Variants in TBC1D5 observed in about 807,000 individuals in gnomAD.
TBC1D5 encodes TBC1 domain family member 5.
In TBC1D5, 75 loss-of-function variants were observed where a neutral mutation model predicts 100.3. The ratio of observed to expected loss-of-function variants is 0.75; its 90% CI spans 0.62 to 0.91. The LOEUF is 0.91. TBC1D5 is among the 40% of genes least tolerant of loss of function. The probability of loss-of-function intolerance (pLI) is 0.00; values close to 1 mark genes in which losing one functional copy is unlikely to be tolerated. For synonymous variants in TBC1D5, 323 were observed against 325.6 expected (o/e 0.99, Z 0.09); for missense variants, 910 against 942.4 (o/e 0.97, Z 0.45).
At chr3:17,647,407 G>T (rs1021646675) in intron 1 of TBC1D5, among the ~76,000 whole-genome samples, 13 of 152,144 alleles carry the variant, frequency 8.5e-5, no homozygotes, top group African/African-American at 3.1e-4. Context: ...CAAGCTACAG[G>T]GAATAAGGGA....
intron 17 of TBC1D5, among the ~76,000 whole-genome samples, chr3:17,223,335 GC>G (rs1018806990): frequency 1.3e-5 from 2 of 151,786 alleles, no homozygotes; most frequent in African/African-American, 4.8e-5. Context: ...TATTCCCCCC[GC>G]AAAAAAGTCA....
At chr3:17,511,987 A>G (rs1432543987) in intron 2 of TBC1D5, among the ~76,000 whole-genome samples, 1 of 152,062 alleles carries the variant, frequency 6.6e-6, no homozygotes, top group Non-Finnish European at 1.5e-5. Context: ...GTAACTGATT[A>G]AGAAGTTGCT....
chr3:17,738,182 A>G (rs891213253), intron 1 of TBC1D5, among the ~76,000 whole-genome samples: 1 of 152,198 alleles, frequency 6.6e-6, no homozygotes, highest in South Asian at 2.1e-4. Flanking sequence ...GAGCATTACT[A>G]TACCAATTTT....
At chr3:17,331,382 T>C (rs182886380) in intron 13 of TBC1D5, among the ~76,000 whole-genome samples, 61 of 152,322 alleles carry the variant, frequency 4.0e-4, no homozygotes, top group Non-Finnish European at 6.5e-4. Flanking sequence ...ATACACAATA[T>C]ATGACAACTC....
intron 1 of TBC1D5, among the ~76,000 whole-genome samples, chr3:17,662,168 C>T (rs971470587): frequency 6.6e-6 from 1 of 152,232 alleles, no homozygotes; most frequent in East Asian, 1.9e-4. Flanking sequence ...ACTGGGATTA[C>T]AGGCATGAAC....
chr3:17,387,831 T>C (rs977711334), intron 8 of TBC1D5, among the ~76,000 whole-genome samples: 1 of 151,312 alleles, frequency 6.6e-6, no homozygotes, highest in Non-Finnish European at 1.5e-5. Context: ...AACAATGATG[T>C]TACAGTTTCA....
chr3:17,160,681 G>C (rs2065948092), exon 22 of TBC1D5: 1 of 395,342 alleles, frequency 2.5e-6, no homozygotes, highest in Admixed American at 3.8e-5. Flanking sequence ...AACTGTGAGT[G>C]TGATACTGGG....
chr3:17,727,881 C>T (rs2076248921), intron 1 of TBC1D5, among the ~76,000 whole-genome samples: 2 of 152,136 alleles, frequency 1.3e-5, no homozygotes, highest in South Asian at 4.1e-4. Flanking sequence ...ATGACTATGG[C>T]TACAAACATC....
intron 2 of TBC1D5, among the ~76,000 whole-genome samples, chr3:17,570,360 C>T (rs762846301): frequency 3.3e-5 from 5 of 151,904 alleles, no homozygotes; most frequent in African/African-American, 4.8e-5. Context: ...GGCATCATTC[C>T]CACTTCACAG....
chr3:17,420,829 T>C (rs1253269104), intron 4 of TBC1D5, among the ~76,000 whole-genome samples: 2 of 152,208 alleles, frequency 1.3e-5, no homozygotes, highest in Non-Finnish European at 2.9e-5. Flanking sequence ...GAGTAGCTTA[T>C]CCTCACATTT....
chr3:17,415,989 T>A (rs1042075314), intron 4 of TBC1D5, among the ~76,000 whole-genome samples: 18 of 152,280 alleles, frequency 1.2e-4, no homozygotes, highest in African/African-American at 4.1e-4. Flanking sequence ...GCTGGTAGAA[T>A]AGAGAATAAA....
intron 1 of TBC1D5, among the ~76,000 whole-genome samples, chr3:17,637,166 T>A (rs1399653899): frequency 6.9e-6 from 1 of 145,198 alleles, no homozygotes; most frequent in Non-Finnish European, 1.5e-5. Flanking sequence ...GGACTACGGG[T>A]GTGTGCCACC....
intron 1 of TBC1D5, among the ~76,000 whole-genome samples, chr3:17,692,546 T>A (rs1452057471): frequency 6.6e-6 from 1 of 152,204 alleles, no homozygotes; most frequent in Non-Finnish European, 1.5e-5. Context: ...AAAAGAGGTC[T>A]AAACAAAATA....
intron 2 of TBC1D5, among the ~76,000 whole-genome samples, chr3:17,528,270 C>T (rs564009923): frequency 2.0e-5 from 3 of 152,258 alleles, no homozygotes; most frequent in South Asian, 4.1e-4. Context: ...GAGGTGATTT[C>T]GCCATCAGGA....
At chr3:17,579,651 A>G (rs1227655081) in intron 2 of TBC1D5, among the ~76,000 whole-genome samples, 4 of 152,146 alleles carry the variant, frequency 2.6e-5, no homozygotes, top group African/African-American at 4.8e-5. Context: ...AAAAACATTC[A>G]CAATTTGACC....
intron 3 of TBC1D5, among the ~76,000 whole-genome samples, chr3:17,499,913 C>T (rs2095763775): frequency 6.7e-6 from 1 of 149,224 alleles, no homozygotes; most frequent in Admixed American, 6.6e-5. Context: ...CACAACCTCC[C>T]ATGTCTGGGG....
intron 4 of TBC1D5, among the ~76,000 whole-genome samples, chr3:17,409,050 A>G (rs1428488143): frequency 6.6e-6 from 1 of 152,186 alleles, no homozygotes; most frequent in Non-Finnish European, 1.5e-5. Flanking sequence ...ATTAGCAATC[A>G]GTACATTACA....
At chr3:17,328,745 C>A (rs1434587036) in intron 13 of TBC1D5, among the ~76,000 whole-genome samples, 1 of 152,140 alleles carries the variant, frequency 6.6e-6, no homozygotes, top group Non-Finnish European at 1.5e-5. Flanking sequence ...AACTCAAAAA[C>A]CCAAAATACT....
intron 8 of TBC1D5, among the ~76,000 whole-genome samples, chr3:17,387,450 A>G (rs1216693165): frequency 2.0e-5 from 3 of 152,114 alleles, no homozygotes; most frequent in Admixed American, 6.6e-5. Context: ...TGATGAATAT[A>G]CCTAGACAAT....
Sources: gnomAD v4.1 joint callset for allele counts (sites outside exome capture counted in the v4.1 genomes callset) on GRCh38, gnomAD v4.1.1 for gene constraint, MANE v1.5 for transcripts, NCBI Gene and HGNC (gene_info 2026-07-23, HGNC 2026-07-21) for gene names.